The following GRIK2 variants were observed in gnomAD, a reference collection of about 807,000 sequenced individuals.
GRIK2 encodes the protein glutamate ionotropic receptor kainate type subunit 2.
GRIK2 carries 32 observed loss-of-function variants against 100.3 expected under a neutral mutation model. The observed-to-expected ratio is 0.32, with a 90% confidence interval of 0.24 to 0.43. The LOEUF (loss-of-function observed/expected upper bound fraction) is 0.43, where lower values mean the gene tolerates loss of function less well. GRIK2 is among the 20% of genes least tolerant of loss of function. The pLI, the probability that GRIK2 is intolerant of heterozygous loss-of-function variation, is 1.00. For synonymous variants in GRIK2, 417 were observed against 389.4 expected (o/e 1.07, Z -0.83); for missense variants, 843 against 1,114.9 (o/e 0.76, Z 3.47).
At chr6:101,877,841 G>A (rs1785964149) in intron 11 of GRIK2, among the ~76,000 whole-genome samples, 1 of 151,596 alleles carries the variant, frequency 6.6e-6, no homozygotes, top group African/African-American at 2.4e-5. Context: ...TCCATCAAAT[G>A]TATTTTGTTT....
intron 7 of GRIK2, among the ~76,000 whole-genome samples, chr6:101,765,013 A>G (rs1245358152): frequency 1.3e-5 from 2 of 152,084 alleles, no homozygotes; most frequent in African/African-American, 4.8e-5. Flanking sequence ...TCTATGAGGA[A>G]CATTTTTCAG....
chr6:101,583,142 G>A (rs1171499142), intron 2 of GRIK2, among the ~76,000 whole-genome samples: 1 of 152,170 alleles, frequency 6.6e-6, no homozygotes, highest in Non-Finnish European at 1.5e-5. Flanking sequence ...TAGAGAAGCT[G>A]TGATTAAGCA....
intron 2 of GRIK2, among the ~76,000 whole-genome samples, chr6:101,453,707 A>G (rs999810852): frequency 2.6e-5 from 4 of 151,992 alleles, no homozygotes; most frequent in Admixed American, 6.6e-5. Flanking sequence ...TGAAATGTCA[A>G]TTGGAAATGA....
At position 102,068,736 on chromosome 6, in the gene GRIK2, G is replaced by A. The variant is rs561968445; in HGVS notation, c.*225G>A. On this transcript the variant is annotated 3_prime_UTR_variant, in exon 17 of 17. Transcript: ENST00000369134. ...TACACGGGGTTACACTGTTAATCAT[G>A]GGTTCCTCCCTTCTTCTGAGTGAAT... 1.8e-4 allele frequency: 72 copies of A among 400,704 alleles called. No individual in the cohort carries two copies. Among genetic ancestry groups the A allele is most frequent in the Non-Finnish European group, 3.1e-4 (69 of 221,888 alleles). The allele number at this position is 400,704 out of a possible 1,614,324, so 24.8% of individuals were successfully genotyped here. A position where few individuals can be genotyped will look rare whatever the true frequency, so the allele number is the denominator to read the frequency against.
chr6:101,908,801 C>T (rs1042715259), intron 12 of GRIK2, among the ~76,000 whole-genome samples: 1 of 118,686 alleles, frequency 8.4e-6, no homozygotes, highest in Non-Finnish European at 1.8e-5. Flanking sequence ...GTTCATAGCA[C>T]ATTCAGACAA....
chr6:101,946,769 G>A (rs1791305162), intron 14 of GRIK2, among the ~76,000 whole-genome samples: 1 of 152,068 alleles, frequency 6.6e-6, no homozygotes, highest in East Asian at 1.9e-4. Flanking sequence ...AAGTTGGAGA[G>A]GGGGATGGAG....
intron 2 of GRIK2, among the ~76,000 whole-genome samples, chr6:101,553,850 G>A (rs1776620920): frequency 6.6e-6 from 1 of 152,198 alleles, no homozygotes; most frequent in African/African-American, 2.4e-5. Context: ...AAAGCAGAAT[G>A]TACCTTTATC....
chr6:101,835,376 G>T (rs1030899515), intron 10 of GRIK2, among the ~76,000 whole-genome samples: 2 of 148,902 alleles, frequency 1.3e-5, no homozygotes, highest in African/African-American at 4.9e-5. Context: ...AGTTTTCTAT[G>T]AAAATGTCAT....
intron 2 of GRIK2, among the ~76,000 whole-genome samples, chr6:101,411,843 T>G (rs968800852): frequency 5.3e-5 from 8 of 152,130 alleles, no homozygotes; most frequent in African/African-American, 1.9e-4. Flanking sequence ...AGGTGTTGTT[T>G]TATAAATAAT....
intron 10 of GRIK2, among the ~76,000 whole-genome samples, chr6:101,821,307 T>C (rs1781934997): frequency 6.6e-6 from 1 of 152,190 alleles, no homozygotes; most frequent in South Asian, 2.1e-4. Flanking sequence ...AAGTGGTATC[T>C]AATTTTATCT....
chr6:101,480,983 G>A (rs1772498909), intron 2 of GRIK2, among the ~76,000 whole-genome samples: 1 of 152,068 alleles, frequency 6.6e-6, no homozygotes, highest in Non-Finnish European at 1.5e-5. Flanking sequence ...GAGTGATATT[G>A]GCAAACATGA....
intron 4 of GRIK2, among the ~76,000 whole-genome samples, chr6:101,671,751 C>G (rs1471624059): frequency 6.6e-6 from 1 of 152,116 alleles, no homozygotes; most frequent in Non-Finnish European, 1.5e-5. Context: ...GTAATCCCAG[C>G]TACTCGGGAG....
Position 101,509,697 on chromosome 6 carries a change from C to T in GRIK2, c.115+110305C>T, listed in dbSNP as rs189321204. Among the ~76,000 whole-genome samples the T allele has an allele frequency of 1.5e-3, 225 of 152,266 alleles. 1 individual carries two copies. The highest frequency in any genetic ancestry group is 5.1e-3 in the African/African-American group (211 of 41,564). On this transcript the variant is annotated intron_variant, in intron 2 of 16. Transcript: ENST00000369134. ...TTGGCTTTGTTATTTAGTTCAGAGT[C>T]TTGCTTGTAAATTCCAAAACATCAA...
intron 7 of GRIK2, among the ~76,000 whole-genome samples, chr6:101,765,606 T>C (rs1226312553): frequency 3.3e-5 from 5 of 152,168 alleles, no homozygotes; most frequent in Admixed American, 6.5e-5. Context: ...CTGCCTAGCC[T>C]GGAGGCAGGT....
Position 101,769,134 on chromosome 6 carries a change from A to G in GRIK2, c.952-30514A>G, listed in dbSNP as rs186521353. 3.3e-5 allele frequency among the ~76,000 whole-genome samples: 5 copies of G among 152,296 alleles called. No homozygotes were observed. The East Asian group carries it at 9.6e-4, about 29-fold the overall frequency. On this transcript the variant is annotated intron_variant, in intron 7 of 16. Coordinates refer to ENST00000369134, the MANE Select transcript of GRIK2 (RefSeq NM_021956.5). ...GTTAATTTCAAAAGTATAAGAAAAT[A>G]AAAGTAAACTTTAATCTTCTACCTT...
chr6:101,892,619 G>A (rs1413314298), intron 12 of GRIK2, among the ~76,000 whole-genome samples: 1 of 151,710 alleles, frequency 6.6e-6, no homozygotes, highest in African/African-American at 2.4e-5. Flanking sequence ...TACTATTTCA[G>A]CTTCTTATTC....
At chr6:101,899,362 G>A (rs1787693433) in intron 12 of GRIK2, among the ~76,000 whole-genome samples, 1 of 151,640 alleles carries the variant, frequency 6.6e-6, no homozygotes, top group South Asian at 2.1e-4. Context: ...TTGAAATTTT[G>A]TTTGGAAGCC....
chr6:101,610,280 A>C (rs563564250), intron 2 of GRIK2, among the ~76,000 whole-genome samples: 1 of 151,698 alleles, frequency 6.6e-6, no homozygotes, highest in Admixed American at 6.6e-5. Flanking sequence ...ATCAAATTAC[A>C]TATGTAGATT....
At chr6:101,900,113 A>C (rs762219384) in intron 12 of GRIK2, among the ~76,000 whole-genome samples, 7 of 152,124 alleles carry the variant, frequency 4.6e-5, no homozygotes, top group Non-Finnish European at 5.9e-5. Flanking sequence ...TTAGAGCTTC[A>C]ATATTTAGGA....
Sources: gnomAD v4.1 joint callset for allele counts (sites outside exome capture counted in the v4.1 genomes callset) on GRCh38, gnomAD v4.1.1 for gene constraint, MANE v1.5 for transcripts, NCBI Gene and HGNC (gene_info 2026-07-23, HGNC 2026-07-21) for gene names.